The following BICD1 variants were observed in gnomAD, a reference collection of about 807,000 sequenced individuals.
BICD1 encodes the protein BICD cargo adaptor 1.
Under a neutral mutation model 92.5 loss-of-function variants are expected in BICD1, and 35 were observed. The observed-to-expected ratio is 0.38, with a 90% CI of 0.29 to 0.50. The LOEUF (loss-of-function observed/expected upper bound fraction) is 0.50, where lower values mean the gene tolerates loss of function less well. Among genes scored for constraint, BICD1 ranks in the 20% least tolerant of loss-of-function variants. The pLI is 0.93. For missense variants in BICD1, 950 were observed against 1,189.8 expected (o/e 0.80, Z 2.97); for synonymous variants, 429 against 465.1 (o/e 0.92, Z 1.00).
chr12:32,142,402 G>T (rs1592365941), intron 1 of BICD1, among the ~76,000 whole-genome samples: 1 of 39,654 alleles, frequency 2.5e-5, no homozygotes, highest in African/African-American at 1.1e-4. Context: ...GTGAGACTCT[G>T]TCTAAAAAAA....
At chr12:32,367,566 C>A (rs376894931) in intron 8 of BICD1, 104 bp from the exon 9 acceptor site, 2 of 1,022,190 alleles carry the variant, frequency 2.0e-6, no homozygotes, top group Admixed American at 1.9e-5. Flanking sequence ...TGTGTGAATG[C>A]ACATTCCTCA....
intron 2 of BICD1, among the ~76,000 whole-genome samples, chr12:32,267,977 G>GT (rs5797466): frequency 0.43 from 64,502 of 151,644 alleles, 14,226 homozygotes; most frequent in South Asian, 0.5. Context: ...TTTAAAAAGT[G>GT]TTTTTTTTGA....
chr12:32,270,059 T>G (rs941923620), intron 2 of BICD1, among the ~76,000 whole-genome samples: 1 of 147,614 alleles, frequency 6.8e-6, no homozygotes. Context: ...AGGCGGATGT[T>G]GCAGTGAGCC....
intron 2 of BICD1, among the ~76,000 whole-genome samples, chr12:32,287,716 T>C (rs1947610713): frequency 1.3e-5 from 2 of 152,172 alleles, no homozygotes; most frequent in Non-Finnish European, 2.9e-5. Context: ...TTTTATATTT[T>C]TTAGTAGAAA....
In BICD1 at chr12:32,272,575, T is replaced by C. The variant is rs190180566; in HGVS notation, c.427-21419T>C. ...TTCCTTCAGACCTCCAATAAACTTG[T>C]GTGTGGAGGCCTGGGGAATTTCTTC... On this transcript the variant is annotated intron_variant, in intron 2 of 9. Coordinates refer to ENST00000652176, the MANE Select transcript of BICD1 (RefSeq NM_001714.4). Among the ~76,000 whole-genome samples, 768 of 152,238 alleles carry C rather than the reference T, an allele frequency of 5.0e-3. 3 individuals are homozygous for C. Among genetic ancestry groups the C allele is most frequent in the African/African-American group, 0.017 (715 of 41,522 alleles).
At chr12:32,175,668 G>A (rs1366035308) in intron 1 of BICD1, among the ~76,000 whole-genome samples, 1 of 152,018 alleles carries the variant, frequency 6.6e-6, no homozygotes, top group Non-Finnish European at 1.5e-5. Context: ...ACGTTGGGAA[G>A]GTCCCCCAAT....
Position 32,377,759 on chromosome 12 carries a change from A to T in BICD1, c.*132A>T. On this transcript the variant is annotated 3_prime_UTR_variant, in exon 10 of 10. Transcript: ENST00000652176. ...TTGGATTAATGTCCATCGTTTTGGA[A>T]GACGAGAGAAAGTTGAGAAGAACAC... The T allele has an allele frequency of 2.6e-6, 2 of 782,468 alleles. No individual in the cohort carries two copies. Among genetic ancestry groups the T allele is most frequent in the Non-Finnish European group, 4.2e-6 (2 of 476,928 alleles). The allele number at this position is 782,468 out of a possible 1,614,324, so 48.5% of individuals were successfully genotyped here. A position where few individuals can be genotyped will look rare whatever the true frequency, so the allele number is the denominator to read the frequency against.
At chr12:32,190,414 C>T (rs967369451) in intron 1 of BICD1, among the ~76,000 whole-genome samples, 17 of 152,090 alleles carry the variant, frequency 1.1e-4, no homozygotes, top group African/African-American at 2.4e-4. Context: ...AAATATTCCA[C>T]GCAAATAGTA....
intron 1 of BICD1, among the ~76,000 whole-genome samples, chr12:32,151,767 C>T (rs1020448115): frequency 2.6e-5 from 4 of 152,108 alleles, no homozygotes; most frequent in Admixed American, 2.0e-4. Context: ...ATGAGCAATA[C>T]CTGAGTGGAA....
At chr12:32,273,731 A>G (rs1947202825) in intron 2 of BICD1, among the ~76,000 whole-genome samples, 1 of 152,232 alleles carries the variant, frequency 6.6e-6, no homozygotes, top group South Asian at 2.1e-4. Flanking sequence ...TCCTTAGTTC[A>G]GCTAAAACCG....
At chr12:32,153,696 C>A (rs1415339106) in intron 1 of BICD1, among the ~76,000 whole-genome samples, 1 of 151,916 alleles carries the variant, frequency 6.6e-6, no homozygotes, top group Non-Finnish European at 1.5e-5. Context: ...GCAGAGGTTG[C>A]AGTGAGCCAA....
chr12:32,312,849 T>C (rs1412457164), intron 4 of BICD1, among the ~76,000 whole-genome samples: 1 of 152,198 alleles, frequency 6.6e-6, no homozygotes, highest in Non-Finnish European at 1.5e-5. Flanking sequence ...TTCAGAGTAT[T>C]ATCGGATAAA....
At chr12:32,223,006 T>A (rs1287427959) in intron 2 of BICD1, among the ~76,000 whole-genome samples, 1 of 152,242 alleles carries the variant, frequency 6.6e-6, no homozygotes, top group African/African-American at 2.4e-5. Context: ...TTTGTCTATG[T>A]TGAAAATCTA....
In BICD1 at chr12:32,153,781, A is replaced by ATGTG. The variant is rs57798666; in HGVS notation, c.213+46251_213+46254dup. Among the ~76,000 whole-genome samples the ATGTG allele has an allele frequency of 2.3e-3, 345 of 148,284 alleles. 1 individual carries two copies. The highest frequency in any genetic ancestry group is 8.1e-3 in the African/African-American group (323 of 40,016). On this transcript the variant is annotated intron_variant, in intron 1 of 9. Transcript: ENST00000652176. ...TATATGTGTGTGTACATATATATAT[A>ATGTG]TGTGTGTGTGTGTGTGTATATATGT...
intron 4 of BICD1, among the ~76,000 whole-genome samples, chr12:32,319,076 C>T (rs1457050301): frequency 2.6e-5 from 4 of 152,166 alleles, no homozygotes; most frequent in Admixed American, 1.3e-4. Context: ...TACAAGAGCA[C>T]GTCATCTGCA....
chr12:32,119,722 T>A (rs372292353), intron 1 of BICD1, among the ~76,000 whole-genome samples: 1 of 152,152 alleles, frequency 6.6e-6, no homozygotes, highest in African/African-American at 2.4e-5. Flanking sequence ...AAATACAGAA[T>A]TAGCTGGGCA....
At chr12:32,341,412 C>T (rs980016812) in intron 8 of BICD1, among the ~76,000 whole-genome samples, 6 of 149,102 alleles carry the variant, frequency 4.0e-5, no homozygotes, top group Non-Finnish European at 3.0e-5. Context: ...TTCAGCGAAC[C>T]GAGATCGCAC....
At chr12:32,239,831 C>G (rs1284487406) in intron 2 of BICD1, among the ~76,000 whole-genome samples, 1 of 152,006 alleles carries the variant, frequency 6.6e-6, no homozygotes, top group Non-Finnish European at 1.5e-5. Flanking sequence ...TGGTCTCAAA[C>G]TCCCAACCTC....
intron 2 of BICD1, among the ~76,000 whole-genome samples, chr12:32,225,871 C>T (rs904776826): frequency 7.2e-5 from 11 of 152,040 alleles, no homozygotes; most frequent in Admixed American, 2.6e-4. Context: ...ATCCACCCAC[C>T]TCGGCCTCCC....
Sources: gnomAD v4.1 joint callset for allele counts (sites outside exome capture counted in the v4.1 genomes callset) on GRCh38, gnomAD v4.1.1 for gene constraint, MANE v1.5 for transcripts, NCBI Gene and HGNC (gene_info 2026-07-23, HGNC 2026-07-21) for gene names.